The following SYN3 variants were observed in gnomAD, a reference collection of about 807,000 sequenced individuals.
SYN3 encodes the protein synapsin III, also known as synapsin-3.
Under a neutral mutation model 65.8 loss-of-function variants are expected in SYN3, and 35 were observed. That is an observed-to-expected ratio of 0.53 (90% CI 0.41 to 0.70). The LOEUF (loss-of-function observed/expected upper bound fraction) is 0.70, where lower values mean the gene tolerates loss of function less well. Ranked by LOEUF, SYN3 falls within the 30% of genes least tolerant of loss-of-function variation. The pLI, the probability that SYN3 is intolerant of heterozygous loss-of-function variation, is 0.00. For synonymous variants in SYN3, 270 were observed against 292.9 expected (o/e 0.92, Z 0.80); for missense variants, 680 against 749.0 (o/e 0.91, Z 1.08).
chr22:32,729,721 C>T (rs148822957), intron 6 of SYN3, among the ~76,000 whole-genome samples: 1,998 of 152,312 alleles, frequency 0.013, 20 homozygotes, highest in Non-Finnish European at 0.022. Flanking sequence ...CATCCACTTG[C>T]TCAGCAGGCA....
intron 6 of SYN3, among the ~76,000 whole-genome samples, chr22:32,729,026 C>A (rs1359518021): frequency 6.6e-6 from 1 of 152,170 alleles, no homozygotes. Flanking sequence ...GGTGGGGTTA[C>A]CCCATCCTAA....
At chr22:32,710,099 A>ACATATATG (rs1555931598) in intron 6 of SYN3, among the ~76,000 whole-genome samples, 3 of 65,630 alleles carry the variant, frequency 4.6e-5, no homozygotes, top group East Asian at 1.8e-3. Context: ...ACACACACAC[A>ACATATATG]TGTGTGTGTG....
intron 4 of SYN3, among the ~76,000 whole-genome samples, chr22:32,913,325 A>C (rs992105609): frequency 2.0e-5 from 3 of 151,852 alleles, no homozygotes; most frequent in Non-Finnish European, 4.4e-5. Flanking sequence ...TACCCAGCTA[A>C]TTTTTTGTAT....
chr22:32,947,124 G>GCT (rs1401231014), intron 3 of SYN3, among the ~76,000 whole-genome samples: 4 of 152,180 alleles, frequency 2.6e-5, no homozygotes, highest in Non-Finnish European at 4.4e-5. Flanking sequence ...CTGACCCAGT[G>GCT]TATGGCCTTA....
chr22:32,894,930 T>C (rs2049549787), intron 4 of SYN3, among the ~76,000 whole-genome samples: 1 of 152,202 alleles, frequency 6.6e-6, no homozygotes, highest in South Asian at 2.1e-4. Flanking sequence ...TCTAGAAATG[T>C]AAATGATCCA....
intron 4 of SYN3, among the ~76,000 whole-genome samples, chr22:32,912,907 G>T (rs116781517): frequency 2.0e-5 from 3 of 152,180 alleles, no homozygotes; most frequent in African/African-American, 7.2e-5. Flanking sequence ...ATACGATACC[G>T]CAATGGTAGA....
intron 6 of SYN3, among the ~76,000 whole-genome samples, chr22:32,644,570 T>G (rs2059956943): frequency 6.6e-6 from 1 of 152,168 alleles, no homozygotes; most frequent in Non-Finnish European, 1.5e-5. Context: ...GGCTGGCGGA[T>G]GGACTGACGC....
intron 6 of SYN3, among the ~76,000 whole-genome samples, chr22:32,681,770 G>T (rs1023964559): frequency 4.6e-5 from 7 of 152,180 alleles, no homozygotes. Flanking sequence ...GCCCATGAAG[G>T]CATGTAGATA....
At chr22:32,589,229 A>G (rs1486846735) in intron 7 of SYN3, among the ~76,000 whole-genome samples, 1 of 152,194 alleles carries the variant, frequency 6.6e-6, no homozygotes, top group Non-Finnish European at 1.5e-5. Context: ...TTCCCAGGCT[A>G]AGTCCCAGTT....
At chr22:32,724,180 T>TAAC (rs775964129) in intron 6 of SYN3, among the ~76,000 whole-genome samples, 2 of 152,230 alleles carry the variant, frequency 1.3e-5, no homozygotes, top group African/African-American at 2.4e-5. Context: ...CAATGCTATT[T>TAAC]AACAACAGTC....
chr22:32,902,457 A>C (rs2049786387), intron 4 of SYN3, among the ~76,000 whole-genome samples: 1 of 152,230 alleles, frequency 6.6e-6, no homozygotes, highest in Non-Finnish European at 1.5e-5. Flanking sequence ...CAAGGTCTGA[A>C]GATAGAGGAA....
At chr22:32,898,272 G>C (rs1167933621) in intron 4 of SYN3, among the ~76,000 whole-genome samples, 1 of 152,170 alleles carries the variant, frequency 6.6e-6, no homozygotes, top group African/African-American at 2.4e-5. Flanking sequence ...GGGATTACAG[G>C]CTGAGCCACT....
At chr22:32,612,381 C>T (rs919982127) in intron 6 of SYN3, among the ~76,000 whole-genome samples, 12 of 152,284 alleles carry the variant, frequency 7.9e-5, no homozygotes, top group East Asian at 1.9e-4. Flanking sequence ...AGGATCTATG[C>T]TAACTCCAGA....
intron 3 of SYN3, among the ~76,000 whole-genome samples, chr22:32,977,240 C>A (rs1360933760): frequency 6.6e-6 from 1 of 152,140 alleles, no homozygotes; most frequent in Non-Finnish European, 1.5e-5. Context: ...CTGACGGGCC[C>A]CAGAGCCCCT....
intron 4 of SYN3, among the ~76,000 whole-genome samples, chr22:32,873,942 C>A (rs549790977): frequency 6.6e-6 from 1 of 151,424 alleles, no homozygotes; most frequent in East Asian, 1.9e-4. Context: ...GCCTGGCCAA[C>A]GTGGCAAAAC....
chr22:32,612,224 C>A (rs77533733), intron 6 of SYN3, among the ~76,000 whole-genome samples: 4,008 of 152,262 alleles, frequency 0.026, 78 homozygotes, highest in Non-Finnish European at 0.041. Flanking sequence ...GCAGTTATAG[C>A]AAATTATCAA....
At chr22:32,553,409 G>A (rs1410008112) in intron 7 of SYN3, among the ~76,000 whole-genome samples, 1 of 152,018 alleles carries the variant, frequency 6.6e-6, no homozygotes, top group Admixed American at 6.5e-5. Context: ...AAGGAAATCT[G>A]GAAAAAAAAT....
At chr22:33,051,481 G>C (rs535479114) in intron 1 of SYN3, among the ~76,000 whole-genome samples, 2 of 151,900 alleles carry the variant, frequency 1.3e-5, no homozygotes, top group Non-Finnish European at 2.9e-5. Flanking sequence ...ACATCTTGAG[G>C]CACACATGCC....
rs533655293 is a variant in SYN3 at position 33,009,899 on chromosome 22, A to T, written c.-162-3075T>A. 1.4e-4 allele frequency among the ~76,000 whole-genome samples: 22 copies of T among 151,894 alleles called. No homozygotes were observed. The South Asian group carries it at 4.6e-3, about 32-fold the overall frequency. On this transcript the variant is annotated intron_variant, in intron 1 of 13. Transcript: ENST00000358763. ...ATTTTTATGAAACCTAATTTATCAA[A>T]TTTTTCATTTATGGTTAGTGTTTCT...
Sources: allele counts gnomAD v4.1 joint callset (sites outside exome capture counted in the v4.1 genomes callset), GRCh38; gene constraint gnomAD v4.1.1; transcripts MANE v1.5; gene names NCBI Gene and HGNC (gene_info 2026-07-23, HGNC 2026-07-21).